Variants in TET2 observed in about 807,000 individuals in gnomAD.
TET2 encodes methylcytosine dioxygenase TET2.
TET2 carries 299 observed loss-of-function variants against 142.9 expected under a neutral mutation model. The ratio of observed to expected loss-of-function variants is 2.09; its 90% CI spans 1.90 to 2.30. The LOEUF (loss-of-function observed/expected upper bound fraction) is 2.30. Among genes scored for constraint, TET2 ranks in the 30% most tolerant of loss-of-function variants. The pLI, the probability that TET2 is intolerant of heterozygous loss-of-function variation, is 0.00. For missense variants in TET2, 2,418 were observed against 2,378.0 expected, an observed-to-expected ratio of 1.02 and a Z score of -0.35; for synonymous variants, 819 against 849.0, an observed-to-expected ratio of 0.96 and a Z score of 0.61.
chr4:105,237,438 T>C, intron 3 of TET2, 87 bp downstream of exon 3: 1 of 1,613,502 alleles, frequency 6.2e-7, no homozygotes, highest in Middle Eastern at 1.7e-4. Context: ...CTTCTTTTTT[T>C]AAATCTTGAG....
At chr4:105,218,912 A>C (rs1269502595) in intron 2 of TET2, among the ~76,000 whole-genome samples, 1 of 151,970 alleles carries the variant, frequency 6.6e-6, no homozygotes, top group Non-Finnish European at 1.5e-5. Flanking sequence ...CATGCTATAT[A>C]ATTTTAGGCG....
At chr4:105,250,380 ATTTTTTTTT>A (rs59695275) in intron 6 of TET2, among the ~76,000 whole-genome samples, 750 of 60,316 alleles carry the variant, frequency 0.012, 3 homozygotes, top group Middle Eastern at 0.021. Flanking sequence ...TCCTTTCTGG[ATTTTTTTTT>A]TTTTTTTTTT....
rs1251487892 is a variant in TET2 at position 105,276,430 on chromosome 4, A to G, written c.5920A>G (p.Arg1974Gly). ...GCGTTTCATCAAGTCTCTTGCCGAAAGGACCATGTCCGTGACCACAGACTC... is the reference window on the plus strand; with the variant it reads ...GCGTTTCATCAAGTCTCTTGCCGAAGGGACCATGTCCGTGACCACAGACTC... ...YLRFIKSLAERTMSVTTDSTV... is the reference protein window; with the variant it reads ...YLRFIKSLAEGTMSVTTDSTV... The change falls in exon 11 of 11, where the codon AGG becomes GGG. Residue 1974 changes from arginine (R) to glycine (G), a missense_variant. Physicochemically the swap from Arg to Gly is moderately radical, Grantham distance 125. Coordinates refer to ENST00000380013, the MANE Select transcript of TET2 (RefSeq NM_001127208.3). The G allele has an allele frequency of 2.6e-6, 4 of 1,551,980 alleles. No individual in the cohort carries two copies. Among genetic ancestry groups the G allele is most frequent in the Non-Finnish European group, 3.5e-6 (4 of 1,147,046 alleles).
chr4:105,252,662 G>T (rs1296386147), intron 6 of TET2, among the ~76,000 whole-genome samples: 1 of 152,076 alleles, frequency 6.6e-6, no homozygotes, highest in Non-Finnish European at 1.5e-5. Context: ...TGAAGTCTAG[G>T]TTATCAGTTA....
intron 2 of TET2, among the ~76,000 whole-genome samples, chr4:105,196,476 C>A (rs1726102409): frequency 6.6e-6 from 1 of 152,126 alleles, no homozygotes; most frequent in Non-Finnish European, 1.5e-5. Context: ...TACAGAAAAC[C>A]ATCAGCCTAC....
chr4:105,224,347 A>G (rs1248494692), intron 2 of TET2, among the ~76,000 whole-genome samples: 1 of 152,134 alleles, frequency 6.6e-6, no homozygotes, highest in African/African-American at 2.4e-5. Flanking sequence ...ATCCATTTGC[A>G]CACTAATGTG....
rs1056974674 is a variant in TET2, at chr4:105,279,546, G to A, written c.*3027G>A. The A allele has an allele frequency of 4.3e-6, 1 of 232,376 alleles. No homozygotes were observed. The highest frequency in any genetic ancestry group is 2.2e-5 in the African/African-American group (1 of 45,290). The allele number at this position is 232,376 out of a possible 1,614,324, so 14.4% of individuals were successfully genotyped here. On this transcript the variant is annotated 3_prime_UTR_variant, in exon 11 of 11. Transcript: ENST00000380013. ...TGTACAGTTCACTTCTGAAGCTAGTGGTTAACTTGTGTAGGAAACTTTTGC... is the reference window on the plus strand; with the variant it reads ...TGTACAGTTCACTTCTGAAGCTAGTAGTTAACTTGTGTAGGAAACTTTTGC...
In TET2 at chr4:105,259,732, CAAG is replaced by C. The variant is rs1220855458; in HGVS notation, c.3918_3920del (p.Arg1307del). ...TGTAAGTTTGCCAGAAGCAAGATCC[CAAG>C]GAAGTTTAAGCTGCTTGGGGATGAC... is the stretch of plus-strand genomic sequence containing the variant. On this transcript the variant is annotated inframe_deletion, in exon 7 of 11. Coordinates refer to ENST00000380013, the MANE Select transcript of TET2 (RefSeq NM_001127208.3). 6.4e-7 allele frequency: 1 copy of C among 1,550,748 alleles called. No individual in the cohort carries two copies. The highest frequency in any genetic ancestry group is 8.7e-7 in the Non-Finnish European group (1 of 1,146,488).
At chr4:105,161,500 G>A (rs777096353) in intron 1 of TET2, among the ~76,000 whole-genome samples, 4 of 152,140 alleles carry the variant, frequency 2.6e-5, no homozygotes, top group Non-Finnish European at 5.9e-5. Context: ...AATTACTTAT[G>A]AGTATACTTT....
chr4:105,197,689 G>A (rs1388658467), intron 2 of TET2, among the ~76,000 whole-genome samples: 5 of 152,166 alleles, frequency 3.3e-5, no homozygotes, highest in African/African-American at 1.2e-4. Flanking sequence ...ATAGAGGAAA[G>A]TAAATACACT....
intron 2 of TET2, among the ~76,000 whole-genome samples, chr4:105,206,367 C>T (rs1330015232): frequency 2.0e-5 from 3 of 152,216 alleles, no homozygotes; most frequent in African/African-American, 7.2e-5. Flanking sequence ...TTCCTTATGT[C>T]AGGGTGAGCC....
At chr4:105,221,071 T>C (rs550109488) in intron 2 of TET2, among the ~76,000 whole-genome samples, 5 of 152,306 alleles carry the variant, frequency 3.3e-5, no homozygotes, top group South Asian at 2.1e-4. Flanking sequence ...TAGAAAAATA[T>C]AGATTTTTAA....
chr4:105,156,209 T>C (rs559669069), intron 1 of TET2, among the ~76,000 whole-genome samples: 1 of 152,324 alleles, frequency 6.6e-6, no homozygotes, highest in African/African-American at 2.4e-5. Flanking sequence ...AACATTTTGA[T>C]TTGTTGTTTA....
chr4:105,190,957 C>T (rs754718673), intron 2 of TET2, among the ~76,000 whole-genome samples: 124 of 152,282 alleles, frequency 8.1e-4, no homozygotes, highest in Non-Finnish European at 1.4e-3. Flanking sequence ...CTGCACCTGG[C>T]TAGTCAGTCT....
At chr4:105,150,352 T>C (rs996405698) in intron 1 of TET2, among the ~76,000 whole-genome samples, 4 of 152,244 alleles carry the variant, frequency 2.6e-5, no homozygotes, top group Admixed American at 1.3e-4. Flanking sequence ...ATTGTTTTAA[T>C]AGAATTTCAT....
intron 1 of TET2, among the ~76,000 whole-genome samples, chr4:105,149,455 T>A (rs1027971154): frequency 6.6e-6 from 1 of 152,166 alleles, no homozygotes; most frequent in African/African-American, 2.4e-5. Flanking sequence ...ACTTTATCCT[T>A]TGTTGGAAAA....
chr4:105,180,919 G>A (rs913058457), intron 1 of TET2, among the ~76,000 whole-genome samples: 4 of 152,292 alleles, frequency 2.6e-5, no homozygotes, highest in East Asian at 3.9e-4. Context: ...AATTACAGGC[G>A]TGAGGCACTG....
chr4:105,182,399 T>C (rs990126611), intron 1 of TET2, among the ~76,000 whole-genome samples: 1 of 152,240 alleles, frequency 6.6e-6, no homozygotes, highest in Non-Finnish European at 1.5e-5. Context: ...TCCAGCACTA[T>C]GTCTCATGCC....
rs111673454 is a variant in TET2 at position 105,163,854 on chromosome 4, AGT to A, written c.-193+16908_-193+16909del. On this transcript the variant is annotated intron_variant, in intron 1 of 10. Coordinates refer to ENST00000380013, the MANE Select transcript of TET2 (RefSeq NM_001127208.3). ...GAGAGAGAGAGAGAGAGAGAGAGAG[AGT>A]GTGTGTGTGTGTGTGTGTGTGTGTG... Among the ~76,000 whole-genome samples, 349 of 85,142 alleles carry A rather than the reference AGT, an allele frequency of 4.1e-3. 3 individuals are homozygous for A. The highest frequency in any genetic ancestry group is 0.012 in the Middle Eastern group (2 of 166). The allele number at this position is 85,142 out of a possible 152,430, so 55.9% of individuals were successfully genotyped here.
Sources: allele counts gnomAD v4.1 joint callset (sites outside exome capture counted in the v4.1 genomes callset), GRCh38; gene constraint gnomAD v4.1.1; transcripts MANE v1.5; gene names NCBI Gene and HGNC (gene_info 2026-07-23, HGNC 2026-07-21).